The following XRCC4 variants were observed in gnomAD, a reference collection of about 807,000 sequenced individuals.
XRCC4 encodes the protein X-ray repair cross complementing 4.
XRCC4 carries 28 observed loss-of-function variants against 39.1 expected under a neutral mutation model. The observed-to-expected ratio is 0.72, with a 90% CI of 0.53 to 0.98. XRCC4 has a LOEUF of 0.98. Among genes scored for constraint, XRCC4 ranks in the 50% least tolerant of loss-of-function variants. The probability of loss-of-function intolerance (pLI) is 0.00; values close to 1 mark genes in which losing one functional copy is unlikely to be tolerated. For synonymous variants in XRCC4, 123 were observed against 126.4 expected (o/e 0.97, Z 0.18); for missense variants, 350 against 376.4 (o/e 0.93, Z 0.58).
At chr5:83,268,008 T>C (rs562489976) in intron 7 of XRCC4, among the ~76,000 whole-genome samples, 1 of 152,282 alleles carries the variant, frequency 6.6e-6, no homozygotes, top group African/African-American at 2.4e-5. Flanking sequence ...TTGAACCAAA[T>C]AATGGCATAA....
intron 3 of XRCC4, among the ~76,000 whole-genome samples, chr5:83,116,430 A>C (rs926330177): frequency 6.6e-6 from 1 of 152,120 alleles, no homozygotes; most frequent in Non-Finnish European, 1.5e-5. Flanking sequence ...TCACTGTGCA[A>C]TTTGAACATT....
At chr5:83,142,469 A>G (rs1748228290) in intron 3 of XRCC4, among the ~76,000 whole-genome samples, 1 of 152,202 alleles carries the variant, frequency 6.6e-6, no homozygotes, top group South Asian at 2.1e-4. Flanking sequence ...TTACTTTTGT[A>G]CTTAGTTAAT....
chr5:83,277,315 G>A (rs1754369391), intron 7 of XRCC4, among the ~76,000 whole-genome samples: 1 of 152,190 alleles, frequency 6.6e-6, no homozygotes, highest in African/African-American at 2.4e-5. Context: ...TTGCCAGCAA[G>A]TTTTGATTAA....
intron 3 of XRCC4, among the ~76,000 whole-genome samples, chr5:83,192,742 T>G (rs909859870): frequency 4.6e-5 from 7 of 152,206 alleles, no homozygotes; most frequent in Admixed American, 4.6e-4. Context: ...TAATTATTAA[T>G]AAAATTGAGA....
At chr5:83,178,522 G>A (rs967999799) in intron 3 of XRCC4, among the ~76,000 whole-genome samples, 1 of 152,142 alleles carries the variant, frequency 6.6e-6, no homozygotes, top group Non-Finnish European at 1.5e-5. Context: ...CAAGTATGGT[G>A]TCAGAAGCCA....
intron 7 of XRCC4, among the ~76,000 whole-genome samples, chr5:83,286,886 GATGAAAATTATGGGACAA>G (rs1266905842): frequency 1.3e-5 from 2 of 152,040 alleles, no homozygotes; most frequent in Non-Finnish European, 2.9e-5. Flanking sequence ...TTGAGGACTA[GATGAAAATTATGGGACAA>G]ATCTAAACAA....
intron 7 of XRCC4, chr5:83,280,173 G>A (rs998925494): frequency 7.9e-5 from 21 of 264,672 alleles, no homozygotes; most frequent in Non-Finnish European, 1.4e-4. Context: ...CATCAATACA[G>A]GATGCCTTTC....
At chr5:83,204,036 A>G (rs1477157055) in intron 5 of XRCC4, among the ~76,000 whole-genome samples, 6 of 152,174 alleles carry the variant, frequency 3.9e-5, no homozygotes, top group African/African-American at 1.4e-4. Flanking sequence ...TTGGATGCAT[A>G]TTTGTAATCT....
chr5:83,207,714 A>G (rs1025696008), intron 6 of XRCC4, among the ~76,000 whole-genome samples: 4 of 152,068 alleles, frequency 2.6e-5, no homozygotes, highest in African/African-American at 9.6e-5. Context: ...ATAATTTACC[A>G]GTTTCCACAA....
chr5:83,313,856 T>C (rs1755790022), intron 7 of XRCC4, among the ~76,000 whole-genome samples: 1 of 152,132 alleles, frequency 6.6e-6, no homozygotes, highest in Non-Finnish European at 1.5e-5. Flanking sequence ...ACCATATCAG[T>C]CTCTAAAATA....
At chr5:83,189,970 A>G (rs764479059) in intron 3 of XRCC4, among the ~76,000 whole-genome samples, 11 of 152,324 alleles carry the variant, frequency 7.2e-5, no homozygotes, top group Non-Finnish European at 1.6e-4. Flanking sequence ...ATGCTGAGGC[A>G]GGAGAATCAC....
chr5:83,316,116 G>A (rs1033018415), intron 7 of XRCC4, among the ~76,000 whole-genome samples: 2 of 152,098 alleles, frequency 1.3e-5, no homozygotes, highest in African/African-American at 4.8e-5. Flanking sequence ...TGATTAGGGG[G>A]TTCAAGACTT....
At chr5:83,206,923 A>G (rs966626375) in intron 6 of XRCC4, among the ~76,000 whole-genome samples, 1 of 152,162 alleles carries the variant, frequency 6.6e-6, no homozygotes, top group African/African-American at 2.4e-5. Context: ...CAGTCACAGA[A>G]ACTTATTAAC....
intron 7 of XRCC4, among the ~76,000 whole-genome samples, chr5:83,290,795 T>G (rs1754897728): frequency 6.6e-6 from 1 of 151,872 alleles, no homozygotes; most frequent in Non-Finnish European, 1.5e-5. Context: ...TGCAGAGATC[T>G]GTAAAGTGCT....
the XRCC4 span, among the ~76,000 whole-genome samples, chr5:83,373,106 G>A: frequency 2.0e-5 from 3 of 151,964 alleles, no homozygotes; most frequent in Admixed American, 6.6e-5. Context: ...AAAGGGAGGC[G>A]GAAATCTCAC....
At chr5:83,145,905 T>C (rs943438019) in intron 3 of XRCC4, among the ~76,000 whole-genome samples, 2 of 152,032 alleles carry the variant, frequency 1.3e-5, no homozygotes, top group African/African-American at 4.8e-5. Context: ...ATAATTGTTA[T>C]CTATGATAGG....
chr5:83,284,080 G>GAAAAAAAAA (rs1754652334), intron 7 of XRCC4, among the ~76,000 whole-genome samples: 6 of 66,956 alleles, frequency 9.0e-5, no homozygotes, highest in East Asian at 4.5e-4. Context: ...AAAAAAAAAC[G>GAAAAAAAAA]AATAATTCAT....
At chr5:83,087,350 TAAC>T (rs1745228835) in intron 1 of XRCC4, among the ~76,000 whole-genome samples, 1 of 150,986 alleles carries the variant, frequency 6.6e-6, no homozygotes, top group Non-Finnish European at 1.5e-5. Flanking sequence ...CATTTCTAAA[TAAC>T]AACAGCCCTA....
chr5:83,339,626 T>TA lies in XRCC4; in HGVS notation c.894-13493dup, dbSNP rs556584844. Among the ~76,000 whole-genome samples the TA allele has an allele frequency of 4.6e-3, 668 of 144,590 alleles. 4 individuals carry two copies. Among genetic ancestry groups the TA allele is most frequent in the Middle Eastern group, 0.043 (12 of 278 alleles). The allele number at this position is 144,590 out of a possible 152,430, so 94.9% of individuals were successfully genotyped here. On this transcript the variant is annotated intron_variant, in intron 7 of 7. Transcript: ENST00000396027. Reference sequence around the variant, plus strand: ...ATGTAACCCAGAACTTAAAGTATAATAAAAAAAAAAAATTCAAGCTGTAGA... The same window carrying TA: ...ATGTAACCCAGAACTTAAAGTATAATAAAAAAAAAAAAATTCAAGCTGTAGA...
Sources: allele counts gnomAD v4.1 joint callset (sites outside exome capture counted in the v4.1 genomes callset), GRCh38; gene constraint gnomAD v4.1.1; transcripts MANE v1.5; gene names NCBI Gene and HGNC (gene_info 2026-07-23, HGNC 2026-07-21).